AKAIN1: variants seen among roughly 807,000 people sequenced by gnomAD.
The protein encoded by AKAIN1 is A-kinase anchor protein inhibitor 1.
In AKAIN1, 3 loss-of-function variants were observed where a neutral mutation model predicts 3.7. That is an observed-to-expected ratio of 0.82 (90% CI 0.37 to 2.12). The LOEUF (loss-of-function observed/expected upper bound fraction) is 2.12, where lower values mean the gene tolerates loss of function less well. Ranked by LOEUF, AKAIN1 falls within the 30% of genes most tolerant of loss-of-function variation. The pLI, the probability that AKAIN1 is intolerant of heterozygous loss-of-function variation, is 0.06. For missense variants in AKAIN1, 82 were observed against 82.7 expected (o/e 0.99, Z 0.03); for synonymous variants, 31 against 30.8 (o/e 1.01, Z -0.02).
chr18:5,196,845 G>C (rs1377792964), intron 1 of AKAIN1, among the ~76,000 whole-genome samples, 193 bp downstream of exon 1: 1 of 152,216 alleles, frequency 6.6e-6, no homozygotes. Flanking sequence ...GATTGTTAGA[G>C]GACAGATGGG....
intron 1 of AKAIN1, among the ~76,000 whole-genome samples, chr18:5,165,353 C>T (rs1011715494): frequency 6.6e-6 from 1 of 151,888 alleles, no homozygotes; most frequent in Non-Finnish European, 1.5e-5. Flanking sequence ...GTCAAAACTC[C>T]AAAGGGGGTA....
intron 1 of AKAIN1, among the ~76,000 whole-genome samples, chr18:5,181,219 G>C (rs1336197667): frequency 6.6e-6 from 1 of 152,154 alleles, no homozygotes; most frequent in Non-Finnish European, 1.5e-5. Context: ...TTGAGACCAG[G>C]AGGTTGAGGC....
At chr18:5,162,935 T>G (rs2071148004) in intron 1 of AKAIN1, among the ~76,000 whole-genome samples, 1 of 151,676 alleles carries the variant, frequency 6.6e-6, no homozygotes, top group Non-Finnish European at 1.5e-5. Flanking sequence ...TCCATAAGAA[T>G]CACCTAGGAC....
chr18:5,156,599 CAAG>C (rs1216298867), intron 1 of AKAIN1, among the ~76,000 whole-genome samples: 2 of 152,130 alleles, frequency 1.3e-5, no homozygotes, highest in Non-Finnish European at 1.5e-5. Flanking sequence ...GACACAATGA[CAAG>C]AAGAGGCTAT....
chr18:5,197,199 C>A lies in AKAIN1; in HGVS notation c.-146G>T. 1 of 1,440,856 alleles carries A rather than the reference C, an allele frequency of 6.9e-7. No individual in the cohort carries two copies. Among genetic ancestry groups the A allele is most frequent in the Non-Finnish European group, 9.1e-7 (1 of 1,103,250 alleles). 89.3% of individuals were successfully genotyped at this position (1,440,856 alleles called of 1,614,324 possible). A position where few individuals can be genotyped will look rare whatever the true frequency, so the allele number is the denominator to read the frequency against. On this transcript the variant is annotated 5_prime_UTR_variant, in exon 1 of 2. Transcript: ENST00000434239. This position sits in a 1 kb window ranked among gnomAD's most constrained non-coding sequence, Gnocchi z 6.9. ...GGGCGGTCAGCACCCCGGACAGCTC[C>A]CGCCGCTAGATCCTGGGGCCGCAGC...
At chr18:5,192,307 C>G (rs570358006) in intron 1 of AKAIN1, among the ~76,000 whole-genome samples, 146 of 152,224 alleles carry the variant, frequency 9.6e-4, no homozygotes, top group African/African-American at 3.3e-3. Context: ...GTGGCTCAAT[C>G]CTACCTCAAA....
intron 1 of AKAIN1, among the ~76,000 whole-genome samples, chr18:5,183,448 G>T (rs1162424194): frequency 6.6e-6 from 1 of 151,902 alleles, no homozygotes; most frequent in African/African-American, 2.4e-5. Context: ...TTCAAATGAT[G>T]AAATATAATT....
intron 1 of AKAIN1, among the ~76,000 whole-genome samples, chr18:5,179,932 C>T (rs1197939377): frequency 6.6e-6 from 1 of 152,122 alleles, no homozygotes; most frequent in Admixed American, 6.6e-5. Context: ...CTTCTCTGTC[C>T]CCATCCCACA....
chr18:5,177,781 T>A (rs1265847255), intron 1 of AKAIN1, among the ~76,000 whole-genome samples: 1 of 152,128 alleles, frequency 6.6e-6, no homozygotes, highest in Non-Finnish European at 1.5e-5. Flanking sequence ...CTCAATAATT[T>A]CCCTGTTTGA....
chr18:5,170,683 T>C (rs1051872103), intron 1 of AKAIN1: 1 of 152,176 alleles, frequency 6.6e-6, no homozygotes, highest in African/African-American at 2.4e-5. Flanking sequence ...CTTGCCATTC[T>C]TCATCAAGAA....
intron 1 of AKAIN1, among the ~76,000 whole-genome samples, chr18:5,195,737 G>A (rs1211478704): frequency 6.6e-6 from 1 of 152,178 alleles, no homozygotes; most frequent in Non-Finnish European, 1.5e-5. Context: ...CTGTATAAAT[G>A]CAGCAAAGAG....
rs185698984 is a variant in AKAIN1, at chr18:5,186,819, A to G, written c.16+10219T>C. Among the ~76,000 whole-genome samples, 146 of 152,308 alleles carry G rather than the reference A, an allele frequency of 9.6e-4. 2 individuals carry two copies. The East Asian group carries it at 0.024, about 25-fold the overall frequency. The stretch of plus-strand genomic sequence containing the variant: ...AAACATACCTTACCAAATTTAAAAC[A>G]ACTGAAACAATTGCAAGTTTATTAT... On this transcript the variant is annotated intron_variant, in intron 1 of 1. Coordinates refer to ENST00000434239, the MANE Select transcript of AKAIN1 (RefSeq NM_001145194.2).
At chr18:5,154,289 A>C in intron 1 of AKAIN1, among the ~76,000 whole-genome samples, 1 of 152,158 alleles carries the variant, frequency 6.6e-6, no homozygotes, top group East Asian at 1.9e-4. Flanking sequence ...GGCACAGAGA[A>C]TGCTTATGAA....
intron 1 of AKAIN1, among the ~76,000 whole-genome samples, chr18:5,183,204 G>A (rs1161628482): frequency 6.6e-6 from 1 of 151,788 alleles, no homozygotes. Flanking sequence ...AAAGACAACT[G>A]AATGACATGA....
chr18:5,191,367 C>T (rs116244386), intron 1 of AKAIN1, among the ~76,000 whole-genome samples: 243 of 152,136 alleles, frequency 1.6e-3, no homozygotes, highest in African/African-American at 5.4e-3. Flanking sequence ...AATGAATGTG[C>T]GGACATCAAA....
intron 1 of AKAIN1, among the ~76,000 whole-genome samples, chr18:5,175,607 A>G (rs969779991): frequency 1.3e-5 from 2 of 152,138 alleles, no homozygotes; most frequent in African/African-American, 4.8e-5. Context: ...GAACATGTGC[A>G]TATCAGGAAG....
At chr18:5,186,078 G>A (rs191632747) in intron 1 of AKAIN1, among the ~76,000 whole-genome samples, 7 of 152,208 alleles carry the variant, frequency 4.6e-5, no homozygotes, top group Admixed American at 3.3e-4. Context: ...ATAGATGCAC[G>A]GATGGAGCTG....
At chr18:5,178,403 C>G (rs2071238211) in intron 1 of AKAIN1, among the ~76,000 whole-genome samples, 1 of 152,018 alleles carries the variant, frequency 6.6e-6, no homozygotes, top group South Asian at 2.1e-4. Context: ...AGATCACTGT[C>G]AGTATCTAAA....
At chr18:5,195,952 G>GGGGAGT in intron 1 of AKAIN1, among the ~76,000 whole-genome samples, 2 of 152,210 alleles carry the variant, frequency 1.3e-5, no homozygotes, top group South Asian at 4.1e-4. Flanking sequence ...TGAGGGGGAG[G>GGGGAGT]GGGAGGGGAC....
Sources: gnomAD v4.1 joint callset for allele counts (sites outside exome capture counted in the v4.1 genomes callset) on GRCh38, gnomAD v4.1.1 for gene constraint, Gnocchi (gnomAD v3.1) non-coding constraint, MANE v1.5 for transcripts, NCBI Gene and HGNC (gene_info 2026-07-23, HGNC 2026-07-21) for gene names.